PTPN9: variants seen among roughly 807,000 people sequenced by gnomAD.
The protein encoded by PTPN9 is tyrosine-protein phosphatase non-receptor type 9.
A neutral mutation model predicts 69.8 loss-of-function variants in PTPN9; 26 were observed. The ratio of observed to expected loss-of-function variants is 0.37; its 90% CI spans 0.27 to 0.52. The LOEUF (loss-of-function observed/expected upper bound fraction) is 0.52. Ranked by LOEUF, PTPN9 falls within the 20% of genes least tolerant of loss-of-function variation. PTPN9 has a pLI of 0.91. For missense variants in PTPN9, 549 were observed against 740.3 expected (o/e 0.74, Z 3.00); for synonymous variants, 274 against 272.5 (o/e 1.01, Z -0.05).
At chr15:75,565,328 A>G (rs78371424) in intron 1 of PTPN9, among the ~76,000 whole-genome samples, 27,891 of 152,012 alleles carry the variant, frequency 0.18, 3,185 homozygotes, top group Non-Finnish European at 0.26. Context: ...TTTCATAAAC[A>G]CTAAATGTGT....
intron 1 of PTPN9, among the ~76,000 whole-genome samples, chr15:75,549,957 G>A (rs893143654): frequency 4.6e-5 from 7 of 151,854 alleles, no homozygotes; most frequent in Non-Finnish European, 2.9e-5. Context: ...CTGAGTGACC[G>A]AGTAAGACCC....
intron 6 of PTPN9, among the ~76,000 whole-genome samples, chr15:75,508,081 C>A (rs2074829504): frequency 6.7e-6 from 1 of 148,890 alleles, no homozygotes; most frequent in Admixed American, 6.7e-5. Flanking sequence ...CTCTCTCCTA[C>A]TCTGCGTCAT....
intron 7 of PTPN9, among the ~76,000 whole-genome samples, chr15:75,503,999 C>T (rs1327091404): frequency 1.4e-4 from 18 of 126,386 alleles, no homozygotes; most frequent in Admixed American, 5.3e-4. Context: ...GCCCCTCTGC[C>T]GGGCCAGCCG....
In PTPN9 at chr15:75,503,778, GGT is replaced by G. The variant is rs1486035819; in HGVS notation, c.968+1895_968+1896del. Among the ~76,000 whole-genome samples the G allele has an allele frequency of 2.7e-4, 20 of 75,318 alleles. 1 individual carries two copies. The highest frequency in any genetic ancestry group is 4.7e-4 in the South Asian group (1 of 2,140). The allele number at this position is 75,318 out of a possible 152,430, so 49.4% of individuals were successfully genotyped here. A position where few individuals can be genotyped will look rare whatever the true frequency, so the allele number is the denominator to read the frequency against. On this transcript the variant is annotated intron_variant, in intron 7 of 12. Coordinates refer to ENST00000618819, the MANE Select transcript of PTPN9 (RefSeq NM_002833.4). ...CCATCCGGGAGGGAGGTGGGGGGGG[GGT>G]CAGCCCCCCGTCCGGGAGGGAGGTG... is the stretch of plus-strand genomic sequence containing the variant.
At chr15:75,503,806 G>C (rs2074792551) in intron 7 of PTPN9, among the ~76,000 whole-genome samples, 1 of 126,106 alleles carries the variant, frequency 7.9e-6, no homozygotes, top group African/African-American at 3.0e-5. Flanking sequence ...GAGGGAGGTG[G>C]GGGGGTCAGC....
intron 4 of PTPN9, among the ~76,000 whole-genome samples, chr15:75,517,929 T>A (rs2074879990): frequency 6.6e-6 from 1 of 152,210 alleles, no homozygotes; most frequent in Non-Finnish European, 1.5e-5. Flanking sequence ...TTCAGTAGAC[T>A]GGAAGCCCAT....
intron 6 of PTPN9, among the ~76,000 whole-genome samples, chr15:75,508,351 A>G (rs1432822681): frequency 6.6e-6 from 1 of 152,166 alleles, no homozygotes; most frequent in Admixed American, 6.6e-5. Flanking sequence ...AGCATGAGCC[A>G]TTACACTTGG....
chr15:75,503,015 G>T (rs2074782381), intron 7 of PTPN9, among the ~76,000 whole-genome samples: 1 of 152,096 alleles, frequency 6.6e-6, no homozygotes, highest in African/African-American at 2.4e-5. Context: ...GCCTGCCTTG[G>T]CCTCCCAAAG....
chr15:75,578,082 G>C (rs896029305), intron 1 of PTPN9, among the ~76,000 whole-genome samples: 1 of 152,194 alleles, frequency 6.6e-6, no homozygotes, highest in Non-Finnish European at 1.5e-5. Context: ...ATGAGACGAG[G>C]GTAGGGAAGC....
chr15:75,528,621 C>T lies in PTPN9; in HGVS notation c.64-1360G>A, dbSNP rs779191440. On this transcript the variant is annotated intron_variant, in intron 1 of 12. Coordinates refer to ENST00000618819, the MANE Select transcript of PTPN9 (RefSeq NM_002833.4). The stretch of plus-strand genomic sequence containing the variant: ...ATAGCCCAGGATTGGTCTCAAACTC[C>T]GGGGCTCAAGCGATCCTCTCATGAT... Among the ~76,000 whole-genome samples the T allele has an allele frequency of 2.8e-4, 42 of 151,768 alleles. 2 individuals are homozygous for T. The highest frequency in any genetic ancestry group is 4.4e-5 in the Non-Finnish European group (3 of 67,974).
intron 6 of PTPN9, among the ~76,000 whole-genome samples, chr15:75,507,458 A>G (rs1249554447): frequency 2.0e-5 from 3 of 150,924 alleles, no homozygotes; most frequent in Non-Finnish European, 4.4e-5. Context: ...AAAAAAAAAA[A>G]AAAAAAAGAA....
intron 11 of PTPN9, 56 bp downstream of exon 11, chr15:75,470,624 C>T: frequency 1.3e-6 from 2 of 1,570,650 alleles, no homozygotes; most frequent in Admixed American, 1.8e-5. Flanking sequence ...ATTTTCATTA[C>T]AGTAATTATT....
intron 9 of PTPN9, among the ~76,000 whole-genome samples, chr15:75,476,023 C>T (rs1275586816): frequency 2.0e-5 from 3 of 152,132 alleles, no homozygotes; most frequent in African/African-American, 7.2e-5. Context: ...CCTGTAGTCC[C>T]AGCTACTCAG....
intron 7 of PTPN9, among the ~76,000 whole-genome samples, chr15:75,503,904 T>TGAGGG (rs2074794037): frequency 2.8e-5 from 2 of 71,284 alleles, no homozygotes; most frequent in Admixed American, 3.6e-4. Context: ...GGGAGGGAGG[T>TGAGGG]GGGGTCAGCC....
Position 75,578,719 on chromosome 15 carries a change from C to T in PTPN9, c.58G>A (p.Glu20Lys). 6.6e-6 allele frequency: 9 copies of T among 1,371,248 alleles called. No homozygotes were observed. The highest frequency in any genetic ancestry group is 8.5e-6 in the Non-Finnish European group (9 of 1,059,142). 84.9% of individuals were successfully genotyped at this position (1,371,248 alleles called of 1,614,324 possible). A position where few individuals can be genotyped will look rare whatever the true frequency, so the allele number is the denominator to read the frequency against. ...GCGGCCTCGGGCCCGCTTACCTGCT[C>T]CTCCTCCGGGGTCAGCTCCGGCGCC... ...DMAPELTPEE[E>K]QATKQFLEEI... The change falls in exon 1 of 13, where the codon GAG becomes AAG. Residue 20 changes from glutamate (E) to lysine (K), a missense_variant. By Grantham distance (56) the Glu-to-Lys change is moderately conservative. Transcript: ENST00000618819.
chr15:75,523,598 T>C (rs1319248093), intron 3 of PTPN9, among the ~76,000 whole-genome samples: 1 of 152,200 alleles, frequency 6.6e-6, no homozygotes, highest in Admixed American at 6.5e-5. Context: ...AGGACCATGA[T>C]TTCCACCCTC....
At chr15:75,515,542 G>A (rs1012578150) in intron 5 of PTPN9, among the ~76,000 whole-genome samples, 5 of 152,144 alleles carry the variant, frequency 3.3e-5, no homozygotes, top group Admixed American at 6.5e-5. Flanking sequence ...CCAAGGAGGC[G>A]GTACTGCTTG....
intron 9 of PTPN9, 85 bp from the exon 10 acceptor site, chr15:75,473,852 G>T (rs2141287822): frequency 9.7e-7 from 1 of 1,027,706 alleles, no homozygotes; most frequent in South Asian, 1.3e-5. Flanking sequence ...CTCCCCAATG[G>T]TAACTCCAAA....
chr15:75,570,640 T>C (rs967887179), intron 1 of PTPN9, among the ~76,000 whole-genome samples: 1 of 151,914 alleles, frequency 6.6e-6, no homozygotes, highest in African/African-American at 2.4e-5. Flanking sequence ...TGTGGTAGCA[T>C]GCCTGTAGTC....
Sources: gnomAD v4.1 joint callset for allele counts (sites outside exome capture counted in the v4.1 genomes callset) on GRCh38, gnomAD v4.1.1 for gene constraint, MANE v1.5 for transcripts, NCBI Gene and HGNC (gene_info 2026-07-23, HGNC 2026-07-21) for gene names.